Variants in SPAST observed in about 807,000 individuals in gnomAD.
The protein encoded by SPAST is spastic paraplegia 4 (autosomal dominant; spastin).
In SPAST, 30 loss-of-function variants were observed where a neutral mutation model predicts 76.6. That is an observed-to-expected ratio of 0.39 (90% confidence interval 0.29 to 0.53). SPAST has a LOEUF of 0.53. SPAST is among the 20% of genes least tolerant of loss of function. The pLI is 0.68. For missense variants in SPAST, 717 were observed against 770.5 expected (o/e 0.93, Z 0.82); for synonymous variants, 305 against 281.0 (o/e 1.09, Z -0.86).
intron 4 of SPAST, among the ~76,000 whole-genome samples, chr2:32,106,441 C>T (rs1678323235): frequency 6.6e-6 from 1 of 152,172 alleles, no homozygotes; most frequent in South Asian, 2.1e-4. Flanking sequence ...CTTCAGCTCA[C>T]ACTATGTGGG....
At chr2:32,133,533 C>A (rs1001586196) in intron 9 of SPAST, among the ~76,000 whole-genome samples, 2 of 152,122 alleles carry the variant, frequency 1.3e-5, no homozygotes, top group Non-Finnish European at 2.9e-5. Flanking sequence ...CTTCTTTCAT[C>A]AGCATTGTAT....
intron 1 of SPAST, among the ~76,000 whole-genome samples, chr2:32,074,612 C>G (rs1385416412): frequency 2.0e-5 from 3 of 151,658 alleles, no homozygotes; most frequent in African/African-American, 7.3e-5. Flanking sequence ...ATTCAAGCGA[C>G]TCTCCTGCCT....
At chr2:32,082,005 C>CTTTTTTTTTTT (rs35493322) in intron 1 of SPAST, among the ~76,000 whole-genome samples, 3 of 71,214 alleles carry the variant, frequency 4.2e-5, no homozygotes, top group African/African-American at 5.3e-5. Context: ...AGTTCTCTCT[C>CTTTTTTTTTTT]TTTTTTTTTT....
In SPAST at chr2:32,136,655, C is replaced by T. The variant is rs761093060; in HGVS notation, c.1321+17C>T. On this transcript the variant is annotated intron_variant, in intron 10 of 16. Coordinates refer to ENST00000315285, the MANE Select transcript of SPAST (RefSeq NM_014946.4). The stretch of plus-strand genomic sequence containing the variant: ...TTTTTATAGGTAAGAACATATTTTC[C>T]AACTAAGTTATTGACTATTTGTGAA... The T allele has an allele frequency of 1.9e-6, 3 of 1,585,616 alleles. No homozygotes were observed. The South Asian group carries it at 3.3e-5, about 18-fold the overall frequency.
At chr2:32,083,364 T>C (rs986734411) in intron 1 of SPAST, among the ~76,000 whole-genome samples, 2 of 152,100 alleles carry the variant, frequency 1.3e-5, no homozygotes, top group African/African-American at 4.8e-5. Context: ...TTGACTCATG[T>C]GGTAAATATA....
chr2:32,136,205 C>A (rs1477586658), intron 9 of SPAST, among the ~76,000 whole-genome samples: 1 of 152,126 alleles, frequency 6.6e-6, no homozygotes, highest in East Asian at 1.9e-4. Flanking sequence ...TATAAATATA[C>A]CGTGTAATCT....
At position 32,156,429 on chromosome 2, in the gene SPAST, A is replaced by C. The variant is rs1210137181; in HGVS notation, c.*1933A>C. 1 of 152,204 alleles carries C rather than the reference A, an allele frequency of 6.6e-6. No individual in the cohort carries two copies. Among genetic ancestry groups the C allele is most frequent in the East Asian group, 1.9e-4 (1 of 5,200 alleles). 9.4% of individuals were successfully genotyped at this position (152,204 alleles called of 1,614,324 possible). ...TCATGACTTTGGAACTCCCTGAATA[A>C]TAAAAATGAGAGTTGAGATAAATAG... On this transcript the variant is annotated 3_prime_UTR_variant, in exon 17 of 17. Transcript: ENST00000315285.
rs116712350 is a variant in SPAST, at chr2:32,152,207, T to C, written c.1729-2167T>C. On this transcript the variant is annotated intron_variant, in intron 16 of 16. Transcript: ENST00000315285. ...TAGTCTCTTACGTTAAAATATCATA[T>C]AAGTTTCATATATATACACATATCA... 6.1e-3 allele frequency among the ~76,000 whole-genome samples: 927 copies of C among 152,342 alleles called. 15 individuals carry two copies. The highest frequency in any genetic ancestry group is 0.021 in the African/African-American group (890 of 41,576).
At chr2:32,096,996 G>T (rs546826458) in intron 3 of SPAST, among the ~76,000 whole-genome samples, 33 of 152,292 alleles carry the variant, frequency 2.2e-4, no homozygotes, top group African/African-American at 7.7e-4. Flanking sequence ...TGTCCCAAAG[G>T]CATGTGTGGT....
intron 7 of SPAST, among the ~76,000 whole-genome samples, chr2:32,120,602 T>G (rs552378168): frequency 9.2e-4 from 137 of 148,588 alleles, no homozygotes; most frequent in Non-Finnish European, 1.6e-3. Context: ...CCAGAATACC[T>G]TTTCCTGGAA....
intron 1 of SPAST, among the ~76,000 whole-genome samples, chr2:32,075,547 CTTTTTTTTTTT>C (rs773998404): frequency 1.2e-5 from 1 of 85,494 alleles, no homozygotes; most frequent in African/African-American, 4.7e-5. Context: ...TGGCTTTTTT[CTTTTTTTTTTT>C]TTTTTTTTTG....
intron 14 of SPAST, among the ~76,000 whole-genome samples, chr2:32,144,428 T>C (rs1414055087): frequency 2.6e-5 from 4 of 152,214 alleles, no homozygotes; most frequent in Admixed American, 6.5e-5. Context: ...TCTAAAGGAA[T>C]GGTTCTAATG....
chr2:32,114,980 C>T (rs369745786), intron 5 of SPAST, among the ~76,000 whole-genome samples, 155 bp downstream of exon 5: 2 of 105,558 alleles, frequency 1.9e-5, no homozygotes, highest in Non-Finnish European at 3.8e-5. Context: ...TTTTTTGAGA[C>T]TCTTGTTTTC....
intron 12 of SPAST, among the ~76,000 whole-genome samples, chr2:32,140,521 G>A (rs958098657): frequency 6.6e-6 from 1 of 152,094 alleles, no homozygotes; most frequent in African/African-American, 2.4e-5. Context: ...CTACTCAGGA[G>A]GCTGATAATC....
At chr2:32,109,754 A>G (rs1678462330) in intron 4 of SPAST, among the ~76,000 whole-genome samples, 1 of 148,968 alleles carries the variant, frequency 6.7e-6, no homozygotes, top group Non-Finnish European at 1.5e-5. Flanking sequence ...TGTATAAGCT[A>G]TCTGTATATA....
intron 13 of SPAST, among the ~76,000 whole-genome samples, chr2:32,142,316 A>G (rs1679746102): frequency 6.6e-6 from 1 of 152,238 alleles, no homozygotes; most frequent in Admixed American, 6.5e-5. Context: ...ATTAAGTTTT[A>G]TGAATGAAAC....
chr2:32,070,683 G>C (rs1451929863), intron 1 of SPAST, among the ~76,000 whole-genome samples: 1 of 152,154 alleles, frequency 6.6e-6, no homozygotes, highest in African/African-American at 2.4e-5. Flanking sequence ...AGGCTGGAGT[G>C]CAATGACACC....
Position 32,064,102 on chromosome 2 carries a change from A to G in SPAST, c.271A>G (p.Arg91Gly). 1 of 1,607,652 alleles carries G rather than the reference A, an allele frequency of 6.2e-7. No individual in the cohort carries two copies. The highest frequency in any genetic ancestry group is 1.1e-5 in the South Asian group (1 of 90,122). Residue 91 changes from arginine to glycine, a missense_variant, in exon 1 of 17, where the codon AGG (arginine) becomes GGG (glycine). Coordinates refer to ENST00000315285, the MANE Select transcript of SPAST (RefSeq NM_014946.4). ...RFSRALMAAKRSSGAAPAPAS... is the reference protein window; with the variant it reads ...RFSRALMAAKGSSGAAPAPAS... ...CTCCCGCGCCCTCATGGCAGCCAAGAGGAGCTCCGGGGCCGCGCCAGCACC... is the reference window on the plus strand; with the variant it reads ...CTCCCGCGCCCTCATGGCAGCCAAGGGGAGCTCCGGGGCCGCGCCAGCACC...
chr2:32,115,732 C>T lies in SPAST; in HGVS notation c.901C>T (p.Pro301Ser). The T allele has an allele frequency of 6.2e-7, 1 of 1,610,880 alleles. No individual in the cohort carries two copies. Among genetic ancestry groups the T allele is most frequent in the Non-Finnish European group, 8.5e-7 (1 of 1,177,568 alleles). Residue 301 changes from proline to serine, a missense_variant, in exon 6 of 17, where the codon CCT becomes TCT. By Grantham distance (74) the Pro-to-Ser change is moderately conservative. Around this residue, in one of 3 missense-constraint regions of SPAST, gnomAD observed 543 missense variants for 445.2 expected, o/e 1.22. Transcript: ENST00000315285. ...TCCGAAAACAAATAGGACAAATAAACCTTCTACCCCTACAACTGCTACTCG... is the reference window on the plus strand; with the variant it reads ...TCCGAAAACAAATAGGACAAATAAATCTTCTACCCCTACAACTGCTACTCG... ...GTPKTNRTNK[P>S]STPTTATRKK...
Sources: allele counts gnomAD v4.1 joint callset (sites outside exome capture counted in the v4.1 genomes callset), GRCh38; gene constraint gnomAD v4.1.1; regional missense constraint gnomAD v4.1.1; transcripts MANE v1.5; gene names NCBI Gene and HGNC (gene_info 2026-07-23, HGNC 2026-07-21).